The following HYCC1 variants were observed in gnomAD, a reference collection of about 807,000 sequenced individuals.
The protein encoded by HYCC1 is hyccin PI4KA lipid kinase complex subunit 1, also known as hyccin.
the HYCC1 span, among the ~76,000 whole-genome samples, chr7:22,979,933 T>C: frequency 6.6e-6 from 1 of 152,180 alleles, no homozygotes; most frequent in African/African-American, 2.4e-5. Context: ...AATATCTGCA[T>C]AGTGTGTCAC....
chr7:23,002,273 C>CCACAGCAATGGGCATGTAAAAGATATA, the HYCC1 span, among the ~76,000 whole-genome samples: 2 of 151,018 alleles, frequency 1.3e-5, no homozygotes, highest in East Asian at 3.9e-4. Flanking sequence ...ACAGCAACTA[C>CCACAGCAATGGGCATGTAAAAGATATA]CACAGCAATG....
chr7:22,956,892 T>A, the HYCC1 span, among the ~76,000 whole-genome samples: 477 of 152,092 alleles, frequency 3.1e-3, 3 homozygotes, highest in African/African-American at 0.011. Flanking sequence ...AGATGCGTAT[T>A]CTGAAATGTG....
chr7:22,973,287 T>C, the HYCC1 span, among the ~76,000 whole-genome samples: 3 of 152,218 alleles, frequency 2.0e-5, no homozygotes, highest in African/African-American at 7.2e-5. Context: ...CTTAACATGA[T>C]TAACAAAAGT....
the HYCC1 span, among the ~76,000 whole-genome samples, chr7:23,004,631 C>T: frequency 2.6e-5 from 4 of 151,694 alleles, no homozygotes; most frequent in Non-Finnish European, 5.9e-5. Context: ...CCATCATTAT[C>T]ATGGGTAAAA....
chr7:22,979,177 A>G, the HYCC1 span, among the ~76,000 whole-genome samples: 1 of 152,230 alleles, frequency 6.6e-6, no homozygotes, highest in Non-Finnish European at 1.5e-5. Flanking sequence ...TCTACAACCA[A>G]TAATGGTAAT....
At chr7:22,910,656 C>T in the HYCC1 span, among the ~76,000 whole-genome samples, 11 of 152,232 alleles carry the variant, frequency 7.2e-5, no homozygotes, top group African/African-American at 2.4e-4. Context: ...GTTAGAAATG[C>T]TAAAATATGA....
At chr7:22,961,425 G>C in the HYCC1 span, 1 of 689,788 alleles carries the variant, frequency 1.4e-6, no homozygotes, top group South Asian at 1.8e-5. Context: ...GATCATATTA[G>C]CACATTGCTT....
chr7:22,948,829 G>A, the HYCC1 span, among the ~76,000 whole-genome samples: 2 of 151,988 alleles, frequency 1.3e-5, no homozygotes, highest in Admixed American at 1.3e-4. Flanking sequence ...CTGCTTCTGG[G>A]TGCTCTGTAA....
the HYCC1 span, among the ~76,000 whole-genome samples, chr7:22,953,579 T>C: frequency 2.0e-5 from 3 of 151,938 alleles, no homozygotes; most frequent in African/African-American, 7.2e-5. Context: ...ACAGTCTTTC[T>C]TTCCTCTCTC....
At chr7:22,897,729 C>A in the HYCC1 span, among the ~76,000 whole-genome samples, 1 of 151,908 alleles carries the variant, frequency 6.6e-6, no homozygotes, top group African/African-American at 2.4e-5. Context: ...ACCTCAGCTC[C>A]CAAGTAGCTG....
the HYCC1 span, among the ~76,000 whole-genome samples, chr7:22,957,030 TAC>T: frequency 6.6e-6 from 1 of 151,970 alleles, no homozygotes; most frequent in Non-Finnish European, 1.5e-5. Context: ...AATCCTAAAA[TAC>T]ATTCTAGGAT....
the HYCC1 span, among the ~76,000 whole-genome samples, chr7:22,897,253 C>T: frequency 3.3e-5 from 5 of 152,000 alleles, no homozygotes; most frequent in South Asian, 4.2e-4. Context: ...GAGGGAGGTA[C>T]GTGGAACTAG....
At chr7:22,932,280 G>C in the HYCC1 span, among the ~76,000 whole-genome samples, 42 of 152,096 alleles carry the variant, frequency 2.8e-4, 1 homozygote, top group Admixed American at 2.7e-3. Flanking sequence ...TACTAAAAGG[G>C]GTAAAGATGG....
the HYCC1 span, among the ~76,000 whole-genome samples, chr7:22,965,524 C>T: frequency 1.4e-5 from 2 of 143,182 alleles, no homozygotes; most frequent in African/African-American, 5.2e-5. Context: ...ATGTGACAAA[C>T]CTGCATGTTC....
At chr7:22,918,109 A>G in the HYCC1 span, among the ~76,000 whole-genome samples, 2 of 152,178 alleles carry the variant, frequency 1.3e-5, no homozygotes, top group African/African-American at 4.8e-5. Context: ...CTGGTATATG[A>G]CAATATAAAA....
At chr7:22,909,100 G>A in the HYCC1 span, among the ~76,000 whole-genome samples, 1 of 152,140 alleles carries the variant, frequency 6.6e-6, no homozygotes, top group African/African-American at 2.4e-5. Flanking sequence ...TGCCTGATAT[G>A]GGTTGAATCT....
At chr7:22,974,230 T>C in the HYCC1 span, among the ~76,000 whole-genome samples, 1 of 152,204 alleles carries the variant, frequency 6.6e-6, no homozygotes, top group African/African-American at 2.4e-5. Context: ...CATTTTTAAC[T>C]TATAAATTAT....
At chr7:22,907,104 C>CAAAAAAAAAAAAAAAAAAAAAAAAAA in the HYCC1 span, among the ~76,000 whole-genome samples, 1 of 43,540 alleles carries the variant, frequency 2.3e-5, no homozygotes, top group African/African-American at 9.8e-5. Context: ...GACTCTATCT[C>CAAAAAAAAAAAAAAAAAAAAAAAAAA]AAAAAAAAAA....
chr7:22,938,338 T>C, the HYCC1 span: 1 of 152,182 alleles, frequency 6.6e-6, no homozygotes, highest in African/African-American at 2.4e-5. Context: ...ACTATCAACT[T>C]TGCTAATCCC....
Sources: gnomAD v4.1 joint callset for allele counts (sites outside exome capture counted in the v4.1 genomes callset) on GRCh38, gnomAD v4.1.1 for gene constraint, MANE v1.5 for transcripts, NCBI Gene and HGNC (gene_info 2026-07-23, HGNC 2026-07-21) for gene names.